Variants in GRM8 observed in about 807,000 individuals in gnomAD.
GRM8 encodes the protein glutamate metabotropic receptor 8, also known as metabotropic glutamate receptor 8.
GRM8 carries 47 observed loss-of-function variants against 87.2 expected under a neutral mutation model. That is an observed-to-expected ratio of 0.54 (90% CI 0.43 to 0.69). GRM8 has a LOEUF of 0.69. Among genes scored for constraint, GRM8 ranks in the 30% least tolerant of loss-of-function variants. The pLI is 0.00. For synonymous variants in GRM8, 396 were observed against 404.5 expected, an observed-to-expected ratio of 0.98 and a Z score of 0.25; for missense variants, 1,019 against 1,139.2, an observed-to-expected ratio of 0.89 and a Z score of 1.52.
intron 7 of GRM8, among the ~76,000 whole-genome samples, chr7:126,649,498 T>A (rs1803548180): frequency 6.6e-6 from 1 of 152,126 alleles, no homozygotes; most frequent in Non-Finnish European, 1.5e-5. Context: ...TTGAGGGACA[T>A]TGTGATTGTG....
chr7:126,857,629 G>C (rs571925622), intron 6 of GRM8, among the ~76,000 whole-genome samples: 1 of 152,140 alleles, frequency 6.6e-6, no homozygotes, highest in South Asian at 2.1e-4. Context: ...GCCTACCCAG[G>C]TCTTCTTTAC....
intron 2 of GRM8, among the ~76,000 whole-genome samples, chr7:127,122,964 T>C (rs1827170192): frequency 6.6e-6 from 1 of 151,996 alleles, no homozygotes; most frequent in African/African-American, 2.4e-5. Context: ...TGAGTCAACG[T>C]TGAACTTCAG....
chr7:127,015,001 A>AAGAAGAAG (rs1265203751), intron 3 of GRM8, among the ~76,000 whole-genome samples: 4 of 59,654 alleles, frequency 6.7e-5, no homozygotes, highest in African/African-American at 2.4e-4. Context: ...GAAGAAGAAG[A>AAGAAGAAG]AAGAAGAAGA....
chr7:127,088,184 C>T (rs1321635329), intron 3 of GRM8, among the ~76,000 whole-genome samples: 2 of 152,276 alleles, frequency 1.3e-5, no homozygotes, highest in Admixed American at 1.3e-4. Flanking sequence ...GTTAGGGAAG[C>T]CCTTTAGCTG....
At chr7:126,809,127 T>C (rs948138727) in intron 6 of GRM8, among the ~76,000 whole-genome samples, 6 of 152,290 alleles carry the variant, frequency 3.9e-5, no homozygotes, top group Admixed American at 2.6e-4. Flanking sequence ...CTTCCTCCAC[T>C]TTCAAAAGAA....
chr7:127,124,388 C>T (rs549758161), intron 2 of GRM8, among the ~76,000 whole-genome samples: 1 of 152,206 alleles, frequency 6.6e-6, no homozygotes, highest in East Asian at 1.9e-4. Context: ...CAATATTTTC[C>T]TTGGCTTCTA....
At chr7:126,780,120 C>T (rs1178688267) in intron 6 of GRM8, among the ~76,000 whole-genome samples, 2 of 152,148 alleles carry the variant, frequency 1.3e-5, no homozygotes, top group African/African-American at 4.8e-5. Context: ...GAAAGTTAAA[C>T]TCAGTATATA....
Position 127,252,914 on chromosome 7 carries a change from C to T in GRM8, c.-429G>A, listed in dbSNP as rs569706466. The T allele has an allele frequency of 0.01, 2,051 of 204,658 alleles. 19 individuals carry two copies. The highest frequency in any genetic ancestry group is 0.014 in the Non-Finnish European group (1,507 of 105,530). 12.7% of individuals were successfully genotyped at this position (204,658 alleles called of 1,614,324 possible). On this transcript the variant is annotated 5_prime_UTR_variant, in exon 1 of 11. Transcript: ENST00000339582. The surrounding 1 kb of genome is among the most constrained non-coding windows in gnomAD (Gnocchi z 4.9). ...GCGAGCACAGCGGCCGCACTTGTGG[C>T]TGATCTCTGGGCTGAGGGGGCTGAG...
intron 7 of GRM8, among the ~76,000 whole-genome samples, chr7:126,710,940 A>G (rs908700270): frequency 3.9e-5 from 6 of 152,240 alleles, no homozygotes; most frequent in Non-Finnish European, 5.9e-5. Flanking sequence ...TGGGAGGCCA[A>G]GGCAGGTGGA....
At chr7:127,052,225 A>G (rs571514159) in intron 3 of GRM8, among the ~76,000 whole-genome samples, 1 of 152,184 alleles carries the variant, frequency 6.6e-6, no homozygotes, top group African/African-American at 2.4e-5. Context: ...CATTTGCAAA[A>G]TAGAAGGGGC....
intron 6 of GRM8, among the ~76,000 whole-genome samples, chr7:126,860,478 A>G (rs1209782950): frequency 1.2e-4 from 19 of 152,206 alleles, no homozygotes; most frequent in Admixed American, 6.5e-5. Context: ...TATTTAGAAG[A>G]TGATTGCCTC....
intron 3 of GRM8, among the ~76,000 whole-genome samples, chr7:126,985,717 C>T (rs1180426056): frequency 1.3e-5 from 2 of 152,094 alleles, no homozygotes; most frequent in Non-Finnish European, 2.9e-5. Context: ...CTCTCTTCCT[C>T]TTCTGATAAA....
intron 6 of GRM8, among the ~76,000 whole-genome samples, chr7:126,775,009 C>T (rs1262420070): frequency 6.6e-6 from 1 of 152,112 alleles, no homozygotes; most frequent in Non-Finnish European, 1.5e-5. Context: ...GAAGTCATAC[C>T]AGTTGCTTAA....
chr7:126,751,779 C>T (rs1289809915), intron 7 of GRM8, among the ~76,000 whole-genome samples: 1 of 152,182 alleles, frequency 6.6e-6, no homozygotes, highest in African/African-American at 2.4e-5. Flanking sequence ...TAAGCAGGGC[C>T]TAATTTTGAG....
chr7:127,092,496 G>C (rs533945811), intron 3 of GRM8, among the ~76,000 whole-genome samples: 1 of 152,304 alleles, frequency 6.6e-6, no homozygotes, highest in East Asian at 1.9e-4. Context: ...AGGAGTTTGA[G>C]ATGAGCCTGG....
chr7:126,877,987 T>A (rs1029532123), intron 6 of GRM8, among the ~76,000 whole-genome samples: 1 of 152,132 alleles, frequency 6.6e-6, no homozygotes, highest in Admixed American at 6.5e-5. Flanking sequence ...GGATTTACAA[T>A]GATGAAACAT....
In GRM8 at chr7:126,571,484, C is replaced by A. The variant is rs369874951; in HGVS notation, c.1495-37597G>T. On this transcript the variant is annotated intron_variant, in intron 8 of 10. Coordinates refer to ENST00000339582, the MANE Select transcript of GRM8 (RefSeq NM_000845.3). ...CCATCCCACTCAACTGGCATTTACC[C>A]CTGGGCAAGAAACCAGAGGGCTCTT... 1.6e-3 allele frequency among the ~76,000 whole-genome samples: 248 copies of A among 152,210 alleles called. 8 individuals carry two copies. In the South Asian group the frequency reaches 0.05, roughly 31 times the overall value.
intron 9 of GRM8, among the ~76,000 whole-genome samples, chr7:126,462,903 A>T (rs1804049828): frequency 6.6e-6 from 1 of 151,620 alleles, no homozygotes. Context: ...CATTTGTAAT[A>T]GGGAAAAGGG....
chr7:126,741,997 C>T (rs551382367), intron 7 of GRM8, among the ~76,000 whole-genome samples: 4 of 152,106 alleles, frequency 2.6e-5, no homozygotes, highest in South Asian at 2.1e-4. Context: ...GACACCTACC[C>T]CCCACACCAA....
Sources: gnomAD v4.1 joint callset for allele counts (sites outside exome capture counted in the v4.1 genomes callset) on GRCh38, gnomAD v4.1.1 for gene constraint, Gnocchi (gnomAD v3.1) non-coding constraint, MANE v1.5 for transcripts, NCBI Gene and HGNC (gene_info 2026-07-23, HGNC 2026-07-21) for gene names.